PPP5C: variants seen among roughly 807,000 people sequenced by gnomAD.
PPP5C encodes the protein protein phosphatase 5 catalytic subunit, also known as serine/threonine-protein phosphatase 5.
In PPP5C, 21 loss-of-function variants were observed where a neutral mutation model predicts 66.7. The ratio of observed to expected loss-of-function variants is 0.31; its 90% CI spans 0.22 to 0.45. The LOEUF (loss-of-function observed/expected upper bound fraction) is 0.45. Ranked by LOEUF, PPP5C falls within the 20% of genes least tolerant of loss-of-function variation. PPP5C has a pLI of 1.00. For missense variants in PPP5C, 464 were observed against 675.9 expected (o/e 0.69, Z 3.48); for synonymous variants, 246 against 257.4 (o/e 0.96, Z 0.43).
intron 2 of PPP5C, among the ~76,000 whole-genome samples, chr19:46,366,605 G>A (rs566430745): frequency 6.6e-6 from 1 of 152,300 alleles, no homozygotes; most frequent in East Asian, 1.9e-4. Context: ...GAAGTGCCAG[G>A]ATTACAGGTG....
intron 2 of PPP5C, among the ~76,000 whole-genome samples, chr19:46,367,418 A>G (rs1972509541): frequency 6.6e-6 from 1 of 152,214 alleles, no homozygotes; most frequent in Admixed American, 6.5e-5. Context: ...GAGTTTGAGA[A>G]GATGCTGACA....
intron 2 of PPP5C, among the ~76,000 whole-genome samples, chr19:46,367,069 G>A (rs1417804110): frequency 6.6e-6 from 1 of 152,198 alleles, no homozygotes; most frequent in Non-Finnish European, 1.5e-5. Context: ...ATAGGTGCGG[G>A]ACTAGTGGGC....
intron 2 of PPP5C, among the ~76,000 whole-genome samples, chr19:46,361,589 T>TA (rs935838226): frequency 0.24 from 20,598 of 85,200 alleles, 2,542 homozygotes; most frequent in Non-Finnish European, 0.29. Flanking sequence ...TACTAAAAAT[T>TA]AAAAAAAAAA....
intron 4 of PPP5C, among the ~76,000 whole-genome samples, chr19:46,377,301 C>G (rs1972712760): frequency 6.6e-6 from 1 of 152,172 alleles, no homozygotes; most frequent in Non-Finnish European, 1.5e-5. Flanking sequence ...ATGGCTTCAC[C>G]TCTCTGTGCC....
chr19:46,379,483 C>A (rs944140525), intron 4 of PPP5C, among the ~76,000 whole-genome samples: 1 of 152,216 alleles, frequency 6.6e-6, no homozygotes, highest in African/African-American at 2.4e-5. Context: ...CCACCATTCC[C>A]AGCCAATCTT....
intron 2 of PPP5C, among the ~76,000 whole-genome samples, chr19:46,372,989 A>T (rs1972621150): frequency 6.6e-6 from 1 of 152,238 alleles, no homozygotes; most frequent in Non-Finnish European, 1.5e-5. Context: ...CCTTGGGATG[A>T]GCACTTGCCT....
At chr19:46,377,322 C>T (rs1208486145) in intron 4 of PPP5C, among the ~76,000 whole-genome samples, 1 of 152,182 alleles carries the variant, frequency 6.6e-6, no homozygotes, top group Non-Finnish European at 1.5e-5. Flanking sequence ...TTGATTTCCT[C>T]CTCTGTGCAG....
intron 11 of PPP5C, among the ~76,000 whole-genome samples, chr19:46,389,090 G>T (rs1247857889): frequency 2.0e-5 from 3 of 152,080 alleles, no homozygotes; most frequent in Non-Finnish European, 4.4e-5. Flanking sequence ...TTGGGAGGCC[G>T]AGGTGGGCGG....
intron 4 of PPP5C, among the ~76,000 whole-genome samples, chr19:46,380,793 G>T (rs1972777144): frequency 6.6e-6 from 1 of 151,890 alleles, no homozygotes; most frequent in Admixed American, 6.6e-5. Flanking sequence ...TCATATCTTT[G>T]TTCTATATAG....
At position 46,375,983 on chromosome 19, in the gene PPP5C, C is replaced by T. The variant is rs117300601; in HGVS notation, c.511+232C>T. Among the ~76,000 whole-genome samples the T allele has an allele frequency of 7.2e-5, 11 of 152,288 alleles. No individual in the cohort carries two copies. In the East Asian group the frequency reaches 2.1e-3, roughly 30 times the overall value. On this transcript the variant is annotated intron_variant, in intron 3 of 12. Transcript: ENST00000012443. ...CATGGTCCCCCTGCCATTTCACGGG[C>T]CCTTCCTCCGGGTAGTAGCACAGTC... is the stretch of plus-strand genomic sequence containing the variant.
At chr19:46,372,213 T>A (rs770201250) in intron 2 of PPP5C, among the ~76,000 whole-genome samples, 4 of 150,930 alleles carry the variant, frequency 2.7e-5, no homozygotes, top group Non-Finnish European at 5.9e-5. Context: ...TTTGTTTTGG[T>A]TTTTTTTTGA....
At chr19:46,356,805 G>A (rs912382049) in intron 2 of PPP5C, among the ~76,000 whole-genome samples, 7 of 152,240 alleles carry the variant, frequency 4.6e-5, no homozygotes, top group African/African-American at 1.7e-4. Flanking sequence ...GTACAGATGA[G>A]TGATGGATGT....
intron 2 of PPP5C, among the ~76,000 whole-genome samples, chr19:46,373,502 C>T (rs912536890): frequency 5.3e-5 from 8 of 152,182 alleles, no homozygotes; most frequent in East Asian, 1.9e-4. Context: ...TTATTGTTGC[C>T]GCTGCCACTG....
chr19:46,390,525 GC>G lies in PPP5C; in HGVS notation c.*181del. On this transcript the variant is annotated 3_prime_UTR_variant, in exon 13 of 13. Transcript: ENST00000012443. ...GGGGTAGGGGCAGAGTCAGGGGCTG[GC>G]CAGAGGGTCTGCTCCCTGGACAGAG... The G allele has an allele frequency of 6.9e-7, 1 of 1,448,020 alleles. No individual in the cohort carries two copies. The highest frequency in any genetic ancestry group is 9.1e-7 in the Non-Finnish European group (1 of 1,099,020). The allele number at this position is 1,448,020 out of a possible 1,614,324, so 89.7% of individuals were successfully genotyped here.
chr19:46,349,211 T>C (rs1423852570), intron 1 of PPP5C, among the ~76,000 whole-genome samples: 1 of 152,026 alleles, frequency 6.6e-6, no homozygotes, highest in Admixed American at 6.6e-5. Context: ...GGAGAATTGC[T>C]TGATCCTTGG....
At chr19:46,358,911 G>A (rs1482917765) in intron 2 of PPP5C, among the ~76,000 whole-genome samples, 1 of 152,106 alleles carries the variant, frequency 6.6e-6, no homozygotes, top group African/African-American at 2.4e-5. Context: ...TGGCTTCGGG[G>A]GATGAGTTTT....
chr19:46,362,319 CAG>C (rs1972406242), intron 2 of PPP5C, among the ~76,000 whole-genome samples: 1 of 152,116 alleles, frequency 6.6e-6, no homozygotes, highest in Non-Finnish European at 1.5e-5. Flanking sequence ...TTCAATGGAA[CAG>C]GACATTTTTC....
chr19:46,355,257 C>G (rs11673035), intron 2 of PPP5C, among the ~76,000 whole-genome samples: 1,860 of 148,484 alleles, frequency 0.013, 26 homozygotes, highest in Non-Finnish European at 0.02. Context: ...CAGTGTGTGT[C>G]GAGAGGATTG....
chr19:46,352,900 C>A (rs1018219725), intron 1 of PPP5C, among the ~76,000 whole-genome samples: 4 of 151,742 alleles, frequency 2.6e-5, no homozygotes, highest in Non-Finnish European at 4.4e-5. Flanking sequence ...GAGCTTCAGT[C>A]CCCAGATTTG....
Sources: gnomAD v4.1 joint callset for allele counts (sites outside exome capture counted in the v4.1 genomes callset) on GRCh38, gnomAD v4.1.1 for gene constraint, MANE v1.5 for transcripts, NCBI Gene and HGNC (gene_info 2026-07-23, HGNC 2026-07-21) for gene names.